The following MACROD2 variants were observed in gnomAD, a reference collection of about 807,000 sequenced individuals.
MACROD2 encodes the protein mono-ADP ribosylhydrolase 2, also known as ADP-ribose glycohydrolase MACROD2.
MACROD2 carries 36 observed loss-of-function variants against 70.4 expected under a neutral mutation model. That is an observed-to-expected ratio of 0.51 (90% CI 0.39 to 0.68). The LOEUF is 0.68. Among genes scored for constraint, MACROD2 ranks in the 30% least tolerant of loss-of-function variants. The pLI, the probability that MACROD2 is intolerant of heterozygous loss-of-function variation, is 0.00. For synonymous variants in MACROD2, 172 were observed against 178.8 expected (o/e 0.96, Z 0.30); for missense variants, 496 against 538.4 (o/e 0.92, Z 0.78).
At chr20:14,194,811 T>C (rs1242387040) in intron 3 of MACROD2, among the ~76,000 whole-genome samples, 2 of 152,160 alleles carry the variant, frequency 1.3e-5, no homozygotes, top group Admixed American at 6.5e-5. Context: ...TTACATGATA[T>C]GAAGAAAGGT....
rs945515373 is a variant in MACROD2 at position 14,793,699 on chromosome 20, C to G, written c.418+108740C>G. Among the ~76,000 whole-genome samples, 4 of 151,940 alleles carry G rather than the reference C, an allele frequency of 2.6e-5. No homozygotes were observed. In the East Asian group the frequency reaches 7.7e-4, roughly 29 times the overall value. ...ATTCCAAAAGCTCGAAGAAAAGACCCCCAAAACTTAGGCTGAGACCTCCAC... is the reference window on the plus strand; with the variant it reads ...ATTCCAAAAGCTCGAAGAAAAGACCGCCAAAACTTAGGCTGAGACCTCCAC... On this transcript the variant is annotated intron_variant, in intron 5 of 17. Transcript: ENST00000684519.
intron 8 of MACROD2, among the ~76,000 whole-genome samples, chr20:15,749,300 T>C (rs1045683758): frequency 1.3e-5 from 2 of 152,106 alleles, no homozygotes; most frequent in African/African-American, 2.4e-5. Flanking sequence ...TTTTGAGTGA[T>C]TATGTGCAAG....
chr20:15,633,553 T>C (rs954793386), intron 8 of MACROD2, among the ~76,000 whole-genome samples: 2 of 142,574 alleles, frequency 1.4e-5, no homozygotes, highest in African/African-American at 5.7e-5. Flanking sequence ...TTTGCCATAA[T>C]AGAAGCATCC....
At chr20:15,937,625 C>A in intron 12 of MACROD2, 81 bp downstream of exon 12, 1 of 1,309,266 alleles carries the variant, frequency 7.6e-7, no homozygotes, top group Non-Finnish European at 1.1e-6. Flanking sequence ...AAAAATGAAG[C>A]AGCAAGTCAA....
At chr20:14,492,055 G>A (rs887087387) in intron 3 of MACROD2, among the ~76,000 whole-genome samples, 3 of 152,094 alleles carry the variant, frequency 2.0e-5, no homozygotes, top group Non-Finnish European at 2.9e-5. Flanking sequence ...TAGAATTCTC[G>A]AAGTCTGTCC....
intron 3 of MACROD2, among the ~76,000 whole-genome samples, chr20:14,319,331 G>A (rs913167635): frequency 1.3e-5 from 2 of 152,022 alleles, no homozygotes; most frequent in Admixed American, 6.6e-5. Flanking sequence ...GGCTTAGGCC[G>A]CACCTCTTGG....
chr20:16,022,856 A>T (rs544354109), intron 15 of MACROD2, among the ~76,000 whole-genome samples: 1 of 152,334 alleles, frequency 6.6e-6, no homozygotes, highest in South Asian at 2.1e-4. Context: ...GTGCCAACCG[A>T]ATCATACATT....
intron 5 of MACROD2, among the ~76,000 whole-genome samples, chr20:14,876,977 T>A (rs1366653378): frequency 6.6e-6 from 1 of 152,156 alleles, no homozygotes; most frequent in Non-Finnish European, 1.5e-5. Context: ...AATTTTAGAA[T>A]CAGTTTTTCT....
intron 3 of MACROD2, among the ~76,000 whole-genome samples, chr20:14,212,126 G>C (rs1238484623): frequency 6.6e-6 from 1 of 151,884 alleles, no homozygotes; most frequent in Non-Finnish European, 1.5e-5. Flanking sequence ...TTGTAGATCT[G>C]TATTCTAATT....
At chr20:15,173,692 T>C (rs6079691) in intron 5 of MACROD2, among the ~76,000 whole-genome samples, 22,546 of 152,078 alleles carry the variant, frequency 0.15, 2,613 homozygotes, top group African/African-American at 0.33. Flanking sequence ...GATAATTGGG[T>C]ATAAATACAG....
intron 8 of MACROD2, among the ~76,000 whole-genome samples, chr20:15,578,852 A>G (rs2048485639): frequency 6.6e-6 from 1 of 152,208 alleles, no homozygotes; most frequent in African/African-American, 2.4e-5. Flanking sequence ...ACAGTATAAC[A>G]TTAATCTTAT....
chr20:15,896,983 T>A (rs2064982781), intron 10 of MACROD2, among the ~76,000 whole-genome samples: 1 of 152,102 alleles, frequency 6.6e-6, no homozygotes, highest in Non-Finnish European at 1.5e-5. Flanking sequence ...TAATTCTAAC[T>A]CCCCATAATT....
At position 14,997,878 on chromosome 20, in the gene MACROD2, A is replaced by C. The variant is rs548564850; in HGVS notation, c.419-232062A>C. On this transcript the variant is annotated intron_variant, in intron 5 of 17. Transcript: ENST00000684519. ...GGTATTTGTGTCATCCTCCATCCCA[A>C]TTCCAGGCAGTTCAGCATGGAGAGA... Among the ~76,000 whole-genome samples the C allele has an allele frequency of 1.8e-3, 269 of 152,274 alleles. No individual in the cohort carries two copies. The Middle Eastern group carries it at 0.024, about 13-fold the overall frequency.
intron 8 of MACROD2, among the ~76,000 whole-genome samples, chr20:15,570,477 C>T (rs536518378): frequency 5.3e-5 from 8 of 152,210 alleles, no homozygotes; most frequent in African/African-American, 1.4e-4. Context: ...TAGTTATGAA[C>T]GACTGAGAAC....
intron 4 of MACROD2, among the ~76,000 whole-genome samples, chr20:14,590,899 T>C (rs1219468074): frequency 6.6e-6 from 1 of 152,144 alleles, no homozygotes; most frequent in African/African-American, 2.4e-5. Context: ...TATTACTCAA[T>C]ATATTAAGTC....
intron 8 of MACROD2, among the ~76,000 whole-genome samples, chr20:15,802,732 G>T (rs73246158): frequency 6.6e-6 from 1 of 151,816 alleles, no homozygotes; most frequent in East Asian, 1.9e-4. Flanking sequence ...GTGAAAAGTC[G>T]TTTTTTTGAA....
Position 15,869,238 on chromosome 20 carries a change from TAG to T in MACROD2, c.727+6441_727+6442del, listed in dbSNP as rs1555788820. On this transcript the variant is annotated intron_variant, in intron 9 of 17. Transcript: ENST00000684519. ...ATATATATATATATATATATATATA[TAG>T]AGAGAGAGAGAGAGAGAGAGAGAGA... Among the ~76,000 whole-genome samples the T allele has an allele frequency of 3.6e-3, 103 of 28,284 alleles. 3 individuals carry two copies. Among genetic ancestry groups the T allele is most frequent in the South Asian group, 0.011 (2 of 184 alleles). 18.6% of individuals were successfully genotyped at this position (28,284 alleles called of 152,430 possible).
intron 8 of MACROD2, among the ~76,000 whole-genome samples, chr20:15,628,295 T>G (rs1401442352): frequency 6.6e-6 from 1 of 152,226 alleles, no homozygotes; most frequent in Non-Finnish European, 1.5e-5. Context: ...TAGGTCAGCC[T>G]TTATCCCCAT....
At chr20:14,305,550 A>G (rs1195606205) in intron 3 of MACROD2, among the ~76,000 whole-genome samples, 1 of 152,116 alleles carries the variant, frequency 6.6e-6, no homozygotes, top group Non-Finnish European at 1.5e-5. Flanking sequence ...CTATTTCTTG[A>G]TTGGTTTAGT....
Sources: gnomAD v4.1 joint callset for allele counts (sites outside exome capture counted in the v4.1 genomes callset) on GRCh38, gnomAD v4.1.1 for gene constraint, MANE v1.5 for transcripts, NCBI Gene and HGNC (gene_info 2026-07-23, HGNC 2026-07-21) for gene names.